Variants in KDM5B observed in about 807,000 individuals in gnomAD.
The protein encoded by KDM5B is lysine demethylase 5B, also known as lysine-specific demethylase 5B.
Under a neutral mutation model 193.4 loss-of-function variants are expected in KDM5B, and 144 were observed. That is an observed-to-expected ratio of 0.74 (90% CI 0.65 to 0.86). KDM5B has a LOEUF of 0.86. KDM5B is among the 40% of genes least tolerant of loss of function. The probability of loss-of-function intolerance (pLI) is 0.00; values close to 1 mark genes in which losing one functional copy is unlikely to be tolerated. For synonymous variants in KDM5B, 668 were observed against 682.6 expected, an observed-to-expected ratio of 0.98 and a Z score of 0.33; for missense variants, 1,833 against 1,886.9, an observed-to-expected ratio of 0.97 and a Z score of 0.53.
intron 9 of KDM5B, 35 bp downstream of exon 9, chr1:202,758,355 TA>T (rs776102519): frequency 5.2e-6 from 8 of 1,525,314 alleles, no homozygotes; most frequent in Middle Eastern, 3.5e-4. Flanking sequence ...CAAAAGCTAT[TA>T]AAATCCTAAA....
At chr1:202,732,143 A>C (rs1385292588) in intron 23 of KDM5B, 3 of 520,218 alleles carry the variant, frequency 5.8e-6, no homozygotes, top group African/African-American at 4.0e-5. Context: ...CCAAGCCTTT[A>C]ATCTTTCCAG....
At chr1:202,751,187 A>C (rs1373198078) in intron 12 of KDM5B, among the ~76,000 whole-genome samples, 1 of 151,856 alleles carries the variant, frequency 6.6e-6, no homozygotes, top group East Asian at 1.9e-4. Context: ...ACTCAAACTT[A>C]CCTCCCATCA....
chr1:202,808,193 C>A lies in KDM5B; in HGVS notation c.113G>T (p.Ser38Ile). 1 of 1,613,144 alleles carries A rather than the reference C, an allele frequency of 6.2e-7. No individual in the cohort carries two copies. ...GAAGGGGTCCGCGAACTCTTCCCAG[C>A]TGGGTTCGAAGACCGGGCACTCGGG... The part of the protein sequence containing the change: ...PPPECPVFEP[S>I]WEEFADPFAF... The change falls in exon 1 of 27, where the codon AGC (serine) becomes ATC (isoleucine). Residue 38 changes from serine (S) to isoleucine (I), a missense_variant. Transcript: ENST00000367265.
In KDM5B at chr1:202,808,031, C is replaced by G. The variant is rs1658380088; in HGVS notation, c.204+71G>C. 3.4e-6 allele frequency: 5 copies of G among 1,489,584 alleles called. No individual in the cohort carries two copies. In the Admixed American group the frequency reaches 1.1e-4, roughly 33 times the overall value. 92.3% of individuals were successfully genotyped at this position (1,489,584 alleles called of 1,614,324 possible). On this transcript the variant is annotated intron_variant, in intron 1 of 26. Coordinates refer to ENST00000367265, the MANE Select transcript of KDM5B (RefSeq NM_006618.5). ...GCTCCCCGCCCCCCGCGCCTCGGGC[C>G]TCCCCGGACCCGCGCGTCCCCGCTC... is the stretch of plus-strand genomic sequence containing the variant.
At chr1:202,738,366 A>C (rs1655174455) in intron 20 of KDM5B, among the ~76,000 whole-genome samples, 1 of 152,228 alleles carries the variant, frequency 6.6e-6, no homozygotes, top group Non-Finnish European at 1.5e-5. Context: ...ACCATAACTA[A>C]AACTAATTAC....
At chr1:202,740,251 C>T (rs1655265873) in intron 20 of KDM5B, among the ~76,000 whole-genome samples, 1 of 148,796 alleles carries the variant, frequency 6.7e-6, no homozygotes, top group South Asian at 2.1e-4. Flanking sequence ...CCGCCTCCCT[C>T]CCGGACGGGG....
intron 1 of KDM5B, among the ~76,000 whole-genome samples, chr1:202,777,548 C>T (rs564626452): frequency 1.3e-5 from 2 of 151,780 alleles, no homozygotes; most frequent in East Asian, 3.9e-4. Flanking sequence ...GGCTTAAGTG[C>T]AGTGGTGTGA....
chr1:202,771,300 C>T (rs12127137), intron 4 of KDM5B, among the ~76,000 whole-genome samples: 28,449 of 151,924 alleles, frequency 0.19, 2,945 homozygotes, highest in Middle Eastern at 0.28. Context: ...GGCACGATCT[C>T]GGCTCATTGC....
In KDM5B at chr1:202,747,395, A is replaced by T. The variant is rs181757576; in HGVS notation, c.2017-1072T>A. ...ATATGGAAAAAGTCTCAGAGTTCTA[A>T]AAATGAGCTACCATTTTTGATGTAA... On this transcript the variant is annotated intron_variant, in intron 14 of 26. Transcript: ENST00000367265. 7.6e-3 allele frequency among the ~76,000 whole-genome samples: 1,161 copies of T among 152,196 alleles called. 11 individuals are homozygous for T. Among genetic ancestry groups the T allele is most frequent in the South Asian group, 0.03 (147 of 4,820 alleles).
At chr1:202,775,853 T>C (rs868792953) in intron 2 of KDM5B, among the ~76,000 whole-genome samples, 4 of 37,920 alleles carry the variant, frequency 1.1e-4, no homozygotes, top group African/African-American at 5.3e-4. Context: ...AAGACTCTTG[T>C]CTCAAAAAAA....
At position 202,749,287 on chromosome 1, in the gene KDM5B, G is replaced by C. The variant is rs550364290; in HGVS notation, c.1822-148C>G. 699 of 682,506 alleles carry C rather than the reference G, an allele frequency of 1.0e-3. 8 individuals are homozygous for C. Among genetic ancestry groups the C allele is most frequent in the South Asian group, 5.3e-3 (253 of 47,754 alleles). 42.3% of individuals were successfully genotyped at this position (682,506 alleles called of 1,614,324 possible). ...AACCCTAAAACCAGACTCTGGGCCA[G>C]GTAGATGGCTCACACCTGTAATTCC... On this transcript the variant is annotated intron_variant, in intron 13 of 26. Transcript: ENST00000367265.
At chr1:202,799,642 C>A (rs1047746725) in intron 1 of KDM5B, among the ~76,000 whole-genome samples, 1 of 143,514 alleles carries the variant, frequency 7.0e-6, no homozygotes, top group Non-Finnish European at 1.5e-5. Context: ...GGGTGACAAG[C>A]GTGAAACTCC....
intron 1 of KDM5B, among the ~76,000 whole-genome samples, chr1:202,791,293 A>G (rs756602810): frequency 6.6e-6 from 1 of 152,220 alleles, no homozygotes; most frequent in Non-Finnish European, 1.5e-5. Flanking sequence ...CCTGGTATCA[A>G]TGGGATATAC....
chr1:202,778,877 C>A (rs1475895572), intron 1 of KDM5B, among the ~76,000 whole-genome samples: 1 of 152,154 alleles, frequency 6.6e-6, no homozygotes, highest in Non-Finnish European at 1.5e-5. Context: ...CTGCCTCGGC[C>A]TCCCAAAGTG....
chr1:202,786,129 A>G (rs879497681), intron 1 of KDM5B, among the ~76,000 whole-genome samples: 45 of 137,476 alleles, frequency 3.3e-4, no homozygotes, highest in Non-Finnish European at 5.3e-4. Flanking sequence ...CCTCCAGAGT[A>G]CCTGGGAATA....
In KDM5B at chr1:202,745,924, C is replaced by T; in HGVS notation, c.2257G>A (p.Glu753Lys). ...TTCAAGGCCCATTCGTTGTAAGATT[C>T]TGCTCGAAGCTTCAATGCATTCATC... ...PMMNALKLRA[E>K]SYNEWALNVN... The change falls in exon 16 of 27, where the codon GAA becomes AAA. Residue 753 changes from glutamate to lysine, a missense_variant. By Grantham distance (56) the Glu-to-Lys change is moderately conservative (BLOSUM62 1). Transcript: ENST00000367265. The T allele has an allele frequency of 6.2e-7, 1 of 1,614,058 alleles. No homozygotes were observed. Among genetic ancestry groups the T allele is most frequent in the Non-Finnish European group, 8.5e-7 (1 of 1,179,892 alleles).
chr1:202,790,079 C>T (rs1311290206), intron 1 of KDM5B, among the ~76,000 whole-genome samples: 1 of 151,808 alleles, frequency 6.6e-6, no homozygotes, highest in South Asian at 2.1e-4. Flanking sequence ...GCCTGACCAA[C>T]ATGGAGAAAC....
At chr1:202,767,860 C>A (rs528966938) in intron 4 of KDM5B, among the ~76,000 whole-genome samples, 11 of 152,040 alleles carry the variant, frequency 7.2e-5, no homozygotes, top group African/African-American at 2.4e-4. Context: ...GTTAGAAAGG[C>A]CCCTTATAAG....
intron 20 of KDM5B, among the ~76,000 whole-genome samples, chr1:202,740,003 C>T (rs1165219900): frequency 6.6e-6 from 1 of 152,224 alleles, no homozygotes; most frequent in Non-Finnish European, 1.5e-5. Flanking sequence ...ACCTCCCAGA[C>T]GGGGTGGTGG....
Sources: gnomAD v4.1 joint callset for allele counts (sites outside exome capture counted in the v4.1 genomes callset) on GRCh38, gnomAD v4.1.1 for gene constraint, MANE v1.5 for transcripts, NCBI Gene and HGNC (gene_info 2026-07-23, HGNC 2026-07-21) for gene names.